The following CCDC178 variants were observed in gnomAD, a reference collection of about 807,000 sequenced individuals.
The protein encoded by CCDC178 is coiled-coil domain-containing protein 178.
A neutral mutation model predicts 117.4 loss-of-function variants in CCDC178; 126 were observed. The ratio of observed to expected loss-of-function variants is 1.07; its 90% CI spans 0.93 to 1.24. CCDC178 has a LOEUF of 1.24. Ranked by LOEUF, CCDC178 falls within the 50% of genes most tolerant of loss-of-function variation. CCDC178 has a pLI of 0.00. For missense variants in CCDC178, 1,030 were observed against 986.9 expected (o/e 1.04, Z -0.59); for synonymous variants, 283 against 313.4 (o/e 0.90, Z 1.02).
intron 3 of CCDC178, among the ~76,000 whole-genome samples, chr18:33,411,359 TTTTTC>T (rs780877907): frequency 2.0e-4 from 30 of 152,160 alleles, no homozygotes; most frequent in Non-Finnish European, 3.1e-4. Context: ...ATTGTCTTCT[TTTTTC>T]TTTTCTTTTC....
chr18:33,281,432 G>A (rs1199814126), intron 12 of CCDC178, among the ~76,000 whole-genome samples: 3 of 152,176 alleles, frequency 2.0e-5, no homozygotes, highest in Non-Finnish European at 4.4e-5. Context: ...GAGTTATTAT[G>A]TAGTTTTGGT....
chr18:33,214,419 G>A (rs1018622409), intron 19 of CCDC178, among the ~76,000 whole-genome samples: 1 of 151,900 alleles, frequency 6.6e-6, no homozygotes, highest in Admixed American at 6.6e-5. Context: ...CTGATTCACT[G>A]GGACATGGAA....
chr18:33,353,317 T>C (rs987745008), intron 7 of CCDC178, among the ~76,000 whole-genome samples: 7 of 152,114 alleles, frequency 4.6e-5, no homozygotes, highest in Non-Finnish European at 5.9e-5. Context: ...GAGACTCTCA[T>C]AGACAGAATA....
At chr18:33,096,974 G>C (rs183817409) in intron 20 of CCDC178, among the ~76,000 whole-genome samples, 3 of 152,162 alleles carry the variant, frequency 2.0e-5, no homozygotes, top group Non-Finnish European at 2.9e-5. Context: ...AAGGCCGAGA[G>C]ATATCAGTTG....
chr18:33,102,150 T>C (rs1319408873), intron 20 of CCDC178, among the ~76,000 whole-genome samples: 1 of 151,666 alleles, frequency 6.6e-6, no homozygotes, highest in East Asian at 2.0e-4. Flanking sequence ...AAATAAAAAT[T>C]TAAAAAAATT....
intron 21 of CCDC178, among the ~76,000 whole-genome samples, chr18:33,064,744 T>A (rs2056981746): frequency 1.3e-5 from 2 of 152,174 alleles, no homozygotes; most frequent in South Asian, 4.1e-4. Context: ...AATCAGTATG[T>A]TGAAGAGCTA....
chr18:33,210,942 A>C (rs996614078), intron 20 of CCDC178, among the ~76,000 whole-genome samples: 1 of 152,078 alleles, frequency 6.6e-6, no homozygotes, highest in African/African-American at 2.4e-5. Flanking sequence ...AGAACTAAGA[A>C]GATATGTTCT....
At chr18:32,982,232 A>C (rs762195234) in intron 21 of CCDC178, among the ~76,000 whole-genome samples, 5 of 152,144 alleles carry the variant, frequency 3.3e-5, no homozygotes, top group Non-Finnish European at 5.9e-5. Flanking sequence ...ACCCTGGAAA[A>C]AAAGAAAGGG....
intron 4 of CCDC178, among the ~76,000 whole-genome samples, chr18:33,391,449 A>T (rs559459416): frequency 6.6e-6 from 1 of 152,232 alleles, no homozygotes; most frequent in South Asian, 2.1e-4. Flanking sequence ...GAGTACAATA[A>T]GGTAATATTG....
chr18:33,416,792 C>T (rs943735801), intron 2 of CCDC178, among the ~76,000 whole-genome samples: 2 of 152,126 alleles, frequency 1.3e-5, no homozygotes, highest in African/African-American at 2.4e-5. Flanking sequence ...GTGAAAGCCA[C>T]ATAGGGAGAA....
Position 33,223,127 on chromosome 18 carries a change from A to G in CCDC178, c.1911T>C (p.Leu637=). Residue 637 remains leucine, a synonymous_variant, in exon 18 of 23, where the codon CTT becomes CTC. Coordinates refer to ENST00000383096, the MANE Select transcript of CCDC178 (RefSeq NM_001105528.4). ...TTACCTCAGTTTCTATTAATGCATC[A>G]AGGGTTTTCTTCCCCTTTTTTCGTA... is the stretch of plus-strand genomic sequence containing the variant. ...KKLRKKGKKT[L]DALIETESKR... is the part of the protein sequence containing the mutation. 1 of 1,604,076 alleles carries G rather than the reference A, an allele frequency of 6.2e-7. No individual in the cohort carries two copies. The highest frequency in any genetic ancestry group is 8.5e-7 in the Non-Finnish European group (1 of 1,173,606).
chr18:33,407,244 A>G (rs2063794281), intron 3 of CCDC178, among the ~76,000 whole-genome samples: 1 of 152,132 alleles, frequency 6.6e-6, no homozygotes, highest in South Asian at 2.1e-4. Context: ...ACTTTATATG[A>G]GTCTGATTTG....
chr18:33,252,104 T>C (rs2059624489), intron 14 of CCDC178, among the ~76,000 whole-genome samples: 1 of 151,724 alleles, frequency 6.6e-6, no homozygotes, highest in African/African-American at 2.4e-5. Context: ...AAAAGAGGTA[T>C]TGGTTATCTG....
chr18:32,962,677 T>A (rs2054729358), intron 22 of CCDC178, among the ~76,000 whole-genome samples: 1 of 152,066 alleles, frequency 6.6e-6, no homozygotes. Context: ...TCTTTATTTT[T>A]GGTTTTCAGG....
intron 21 of CCDC178, among the ~76,000 whole-genome samples, chr18:32,995,286 G>C (rs986723703): frequency 2.0e-5 from 3 of 152,136 alleles, no homozygotes; most frequent in Admixed American, 2.0e-4. Context: ...TCTTTTTACA[G>C]AAAAGCAATT....
intron 21 of CCDC178, chr18:32,983,281 C>T: frequency 6.6e-7 from 1 of 1,514,948 alleles, no homozygotes; most frequent in Non-Finnish European, 8.9e-7. Context: ...TCACAGGTAC[C>T]TGAAAATTTG....
rs150513092 is a variant in CCDC178 at position 33,357,664 on chromosome 18, G to A, written c.349-1318C>T. On this transcript the variant is annotated intron_variant, in intron 6 of 22. Transcript: ENST00000383096. ...ACAGATATATTCTAAGAGTACCTTG[G>A]GTTGTACAAGTCATAAATTATCAAA... Among the ~76,000 whole-genome samples the A allele has an allele frequency of 2.9e-3, 436 of 152,002 alleles. 3 individuals carry two copies. Among genetic ancestry groups the A allele is most frequent in the African/African-American group, 0.01 (418 of 41,478 alleles).
chr18:33,277,644 TC>T (rs1438749545), intron 12 of CCDC178, among the ~76,000 whole-genome samples: 1 of 152,084 alleles, frequency 6.6e-6, no homozygotes, highest in Non-Finnish European at 1.5e-5. Context: ...TCATTACAGT[TC>T]CAGGCAGAAT....
intron 21 of CCDC178, among the ~76,000 whole-genome samples, chr18:33,035,890 G>A (rs2056435138): frequency 6.6e-6 from 1 of 151,800 alleles, no homozygotes; most frequent in Admixed American, 6.6e-5. Context: ...AATAAGAAAG[G>A]AAAATATTCT....
Sources: gnomAD v4.1 joint callset for allele counts (sites outside exome capture counted in the v4.1 genomes callset) on GRCh38, gnomAD v4.1.1 for gene constraint, MANE v1.5 for transcripts, NCBI Gene and HGNC (gene_info 2026-07-23, HGNC 2026-07-21) for gene names.